ASIC2: variants seen among roughly 807,000 people sequenced by gnomAD.
The protein encoded by ASIC2 is acid-sensing ion channel 2.
A neutral mutation model predicts 57.3 loss-of-function variants in ASIC2; 25 were observed. The observed-to-expected ratio is 0.44, with a 90% confidence interval of 0.32 to 0.61. The LOEUF (loss-of-function observed/expected upper bound fraction) is 0.61. ASIC2 is among the 20% of genes least tolerant of loss of function. ASIC2 has a pLI of 0.06. For missense variants in ASIC2, 641 were observed against 738.1 expected (o/e 0.87, Z 1.52); for synonymous variants, 319 against 307.5 (o/e 1.04, Z -0.39).
At chr17:33,423,841 G>A (rs1245300477) in intron 1 of ASIC2, among the ~76,000 whole-genome samples, 2 of 152,192 alleles carry the variant, frequency 1.3e-5, no homozygotes, top group Non-Finnish European at 2.9e-5. Flanking sequence ...AACCAGGCAG[G>A]GCAGGGGCTG....
chr17:34,068,733 T>G (rs942729498), intron 1 of ASIC2, among the ~76,000 whole-genome samples: 2 of 152,206 alleles, frequency 1.3e-5, no homozygotes, highest in Admixed American at 6.5e-5. Flanking sequence ...CGTTTCAAAA[T>G]TAAAGACAAT....
At chr17:33,648,530 C>T (rs182986396) in intron 1 of ASIC2, among the ~76,000 whole-genome samples, 4 of 152,314 alleles carry the variant, frequency 2.6e-5, no homozygotes, top group Admixed American at 1.3e-4. Context: ...AATCTGCAAA[C>T]GCCTTATGTG....
At chr17:33,702,876 A>C (rs2142070622) in intron 1 of ASIC2, among the ~76,000 whole-genome samples, 1 of 152,300 alleles carries the variant, frequency 6.6e-6, no homozygotes, top group South Asian at 2.1e-4. Flanking sequence ...CAGGCGATGT[A>C]CCAGGAACTA....
chr17:33,119,508 T>C (rs1597587362), intron 1 of ASIC2, among the ~76,000 whole-genome samples: 2 of 152,352 alleles, frequency 1.3e-5, no homozygotes, highest in East Asian at 3.9e-4. Context: ...ACCTGGCTCT[T>C]GTTTTCTGAA....
At chr17:33,937,597 C>G (rs943993885) in intron 1 of ASIC2, among the ~76,000 whole-genome samples, 1 of 152,128 alleles carries the variant, frequency 6.6e-6, no homozygotes, top group Admixed American at 6.5e-5. Flanking sequence ...TTTCAATATT[C>G]AATGTCATTT....
chr17:33,339,981 A>G (rs1478591226), intron 1 of ASIC2, among the ~76,000 whole-genome samples: 1 of 152,108 alleles, frequency 6.6e-6, no homozygotes, highest in African/African-American at 2.4e-5. Context: ...ATTAACTCCA[A>G]CTGCTGGAAT....
intron 1 of ASIC2, among the ~76,000 whole-genome samples, chr17:33,622,957 G>A (rs1282347977): frequency 1.3e-5 from 2 of 152,178 alleles, no homozygotes; most frequent in African/African-American, 4.8e-5. Flanking sequence ...GGGGCCTCTG[G>A]CACTGGTAGT....
chr17:34,097,679 TA>T (rs1373196860), intron 1 of ASIC2, among the ~76,000 whole-genome samples: 3 of 152,326 alleles, frequency 2.0e-5, no homozygotes, highest in East Asian at 1.9e-4. Flanking sequence ...TTTTTAAAGA[TA>T]TTTTTTATCA....
chr17:33,711,170 C>CA (rs1909022121), intron 1 of ASIC2, among the ~76,000 whole-genome samples: 2 of 152,182 alleles, frequency 1.3e-5, no homozygotes, highest in Non-Finnish European at 2.9e-5. Context: ...TTTGAAGGTG[C>CA]AGCGGGGCAC....
At chr17:33,291,329 G>A in intron 1 of ASIC2, 79 bp downstream of exon 1, 3 of 1,498,080 alleles carry the variant, frequency 2.0e-6, no homozygotes, top group Non-Finnish European at 2.7e-6. Flanking sequence ...GGACAGCCCC[G>A]AGGGGGCGGA....
In ASIC2 at chr17:33,017,027, C is replaced by T. The variant is rs559620383; in HGVS notation, c.1521+578G>A. Among the ~76,000 whole-genome samples, 5 of 152,328 alleles carry T rather than the reference C, an allele frequency of 3.3e-5. No individual in the cohort carries two copies. The East Asian group carries it at 9.6e-4, about 29-fold the overall frequency. On this transcript the variant is annotated intron_variant, in intron 8 of 9. Coordinates refer to ENST00000225823, the MANE Select transcript of ASIC2 (RefSeq NM_183377.2). The stretch of plus-strand genomic sequence containing the variant: ...AGAGAAAGCTTTCAGAGGCCTCGTT[C>T]CAGCTGCCTCTTGAGGGAGACATTT...
rs144388871 is a variant in ASIC2, at chr17:33,528,632, C to T, written c.556-416565G>A. Among the ~76,000 whole-genome samples, 493 of 152,152 alleles carry T rather than the reference C, an allele frequency of 3.2e-3. 1 individual carries two copies. The highest frequency in any genetic ancestry group is 3.8e-3 in the Non-Finnish European group (255 of 67,992). On this transcript the variant is annotated intron_variant, in intron 1 of 9. Coordinates refer to the ASIC2 transcript ENST00000359872. ...AGGTGGCCTTTAGAATATATCATCC[C>T]GCATCCAACTCAAAAAGGGAAGAAA... is the stretch of plus-strand genomic sequence containing the variant.
At chr17:33,154,577 G>A (rs914522703) in intron 1 of ASIC2, among the ~76,000 whole-genome samples, 3 of 152,182 alleles carry the variant, frequency 2.0e-5, no homozygotes, top group Non-Finnish European at 2.9e-5. Context: ...ACACAGCACA[G>A]TAGCCATGCC....
At chr17:33,242,087 G>A (rs1320533992) in intron 1 of ASIC2, among the ~76,000 whole-genome samples, 1 of 152,166 alleles carries the variant, frequency 6.6e-6, no homozygotes, top group East Asian at 1.9e-4. Flanking sequence ...GGGAGGCCGA[G>A]GCAGGCAGAT....
At position 33,089,002 on chromosome 17, in the gene ASIC2, A is replaced by G. The variant is rs956803357; in HGVS notation, c.860-12T>C. 1 of 1,613,802 alleles carries G rather than the reference A, an allele frequency of 6.2e-7. No homozygotes were observed. Among genetic ancestry groups the G allele is most frequent in the Non-Finnish European group, 8.5e-7 (1 of 1,179,884 alleles). On this transcript the variant is annotated splice_polypyrimidine_tract_variant and intron_variant, in intron 2 of 9. Transcript: ENST00000225823. ...AAATGTCGTTTCCTCTGAAAGAACA[A>G]AGATGGACAGAGCCACGGGTCAGTA...
intron 1 of ASIC2, among the ~76,000 whole-genome samples, chr17:33,558,324 T>C (rs1325181787): frequency 2.6e-5 from 4 of 152,232 alleles, no homozygotes; most frequent in Admixed American, 2.6e-4. Flanking sequence ...ATGGATGATA[T>C]GGCATAAATA....
At chr17:33,672,418 C>T (rs1907666546) in intron 1 of ASIC2, among the ~76,000 whole-genome samples, 2 of 148,406 alleles carry the variant, frequency 1.3e-5, no homozygotes, top group Non-Finnish European at 3.0e-5. Flanking sequence ...TTATTTTACA[C>T]TCCTTGCTTA....
At chr17:34,069,124 G>A (rs1431887935) in intron 1 of ASIC2, among the ~76,000 whole-genome samples, 1 of 152,076 alleles carries the variant, frequency 6.6e-6, no homozygotes, top group South Asian at 2.1e-4. Flanking sequence ...GCCGTGATGG[G>A]AGTATTTACA....
intron 1 of ASIC2, among the ~76,000 whole-genome samples, chr17:33,177,853 C>T (rs1197652456): frequency 6.6e-6 from 1 of 152,132 alleles, no homozygotes; most frequent in South Asian, 2.1e-4. Context: ...AGTCAGAGCC[C>T]TAGTCTCAAA....
Sources: allele counts gnomAD v4.1 joint callset (sites outside exome capture counted in the v4.1 genomes callset), GRCh38; gene constraint gnomAD v4.1.1; transcripts MANE v1.5; gene names NCBI Gene and HGNC (gene_info 2026-07-23, HGNC 2026-07-21).